The following FBXL13 variants were observed in gnomAD, a reference collection of about 807,000 sequenced individuals.
The protein encoded by FBXL13 is F-box and leucine-rich repeat protein 13.
A neutral mutation model predicts 83.6 loss-of-function variants in FBXL13; 67 were observed. The ratio of observed to expected loss-of-function variants is 0.80; its 90% CI spans 0.66 to 0.98. The LOEUF is 0.98. Among genes scored for constraint, FBXL13 ranks in the 50% least tolerant of loss-of-function variants. The pLI is 0.00. For synonymous variants in FBXL13, 272 were observed against 299.5 expected (o/e 0.91, Z 0.95); for missense variants, 822 against 866.5 (o/e 0.95, Z 0.64).
At chr7:102,885,369 T>TA (rs1295958171) in intron 11 of FBXL13, among the ~76,000 whole-genome samples, 3 of 152,214 alleles carry the variant, frequency 2.0e-5, no homozygotes, top group African/African-American at 7.2e-5. Flanking sequence ...TAATGAATAA[T>TA]GATATGAGTA....
intron 4 of FBXL13, 52 bp from the exon 6 acceptor site, chr7:103,027,610 C>CA (rs1375005623): frequency 2.6e-6 from 3 of 1,137,938 alleles, no homozygotes; most frequent in Non-Finnish European, 1.3e-6. Context: ...TAGCTGTTTC[C>CA]AAAAAACACA....
At chr7:102,909,979 C>T (rs1255688230) in intron 11 of FBXL13, among the ~76,000 whole-genome samples, 4 of 152,140 alleles carry the variant, frequency 2.6e-5, no homozygotes, top group Non-Finnish European at 5.9e-5. Flanking sequence ...GGTTACAGTC[C>T]TTATGGCCTA....
At position 102,922,361 on chromosome 7, in the gene FBXL13, C is replaced by T. The variant is rs184855518; in HGVS notation, c.878+3913G>A. On this transcript the variant is annotated intron_variant, in intron 10 of 19. Transcript: ENST00000313221. ...CATGACCATATTTTTTTTATTACTT[C>T]TAAAAGGAAAGAAATCAAATCATGC... Among the ~76,000 whole-genome samples, 568 of 151,782 alleles carry T rather than the reference C, an allele frequency of 3.7e-3. 5 individuals carry two copies. Among genetic ancestry groups the T allele is most frequent in the African/African-American group, 0.014 (561 of 41,442 alleles).
chr7:102,887,546 T>C (rs1265962347), intron 11 of FBXL13, among the ~76,000 whole-genome samples: 3 of 152,084 alleles, frequency 2.0e-5, no homozygotes, highest in Non-Finnish European at 4.4e-5. Flanking sequence ...AAATCTGAAA[T>C]TGGTATACCA....
intron 2 of FBXL13, among the ~76,000 whole-genome samples, chr7:103,048,608 A>G (rs1796514985): frequency 6.6e-6 from 1 of 152,184 alleles, no homozygotes; most frequent in African/African-American, 2.4e-5. Flanking sequence ...TGAGATTTTC[A>G]TAAACCTTTT....
Position 103,022,369 on chromosome 7 carries a change from T to C in FBXL13, c.495+2694A>G, listed in dbSNP as rs1793295358. Among the ~76,000 whole-genome samples the C allele has an allele frequency of 2.0e-5, 3 of 151,882 alleles. No individual in the cohort carries two copies. In the South Asian group the frequency reaches 6.2e-4, roughly 32 times the overall value. ...GGGTGAGGGATAGCATTAGGAGATA[T>C]ACCTAATGTAAATGACGAGTTAATG... On this transcript the variant is annotated intron_variant, in intron 6 of 19. Coordinates refer to ENST00000313221, the Ensembl canonical transcript of FBXL13.
intron 6 of FBXL13, among the ~76,000 whole-genome samples, chr7:103,019,210 C>T (rs1229634393): frequency 6.6e-6 from 1 of 152,198 alleles, no homozygotes; most frequent in African/African-American, 2.4e-5. Flanking sequence ...GAATAACCTG[C>T]TTCTGAATGA....
chr7:102,822,351 G>A lies in FBXL13; in HGVS notation c.1855-148C>T, dbSNP rs567320669. On this transcript the variant is annotated intron_variant, in intron 18 of 19. Coordinates refer to ENST00000313221, the Ensembl canonical transcript of FBXL13. ...TATTTCTCACAGTTCTAGAGGCTGG[G>A]AAGTCCAAGACTGAGATAAAGATAG... 9.9e-6 allele frequency: 8 copies of A among 806,684 alleles called. No individual in the cohort carries two copies. In the African/African-American group the frequency reaches 1.0e-4, roughly 10 times the overall value. The allele number at this position is 806,684 out of a possible 1,614,324, so 50.0% of individuals were successfully genotyped here.
chr7:102,955,829 C>T (rs1047265595), intron 8 of FBXL13, among the ~76,000 whole-genome samples: 1 of 151,960 alleles, frequency 6.6e-6, no homozygotes, highest in Non-Finnish European at 1.5e-5. Context: ...CAAGACTAAA[C>T]CAGGAAGAAG....
chr7:102,941,217 A>C (rs1446319664), intron 8 of FBXL13, among the ~76,000 whole-genome samples: 1 of 152,194 alleles, frequency 6.6e-6, no homozygotes, highest in Non-Finnish European at 1.5e-5. Flanking sequence ...ATAAATAAGG[A>C]TACTACAGAC....
At chr7:102,916,720 C>T (rs774455169) in intron 10 of FBXL13, among the ~76,000 whole-genome samples, 1 of 151,414 alleles carries the variant, frequency 6.6e-6, no homozygotes, top group Non-Finnish European at 1.5e-5. Context: ...CTTGGTAATT[C>T]TAATTCTGCT....
At chr7:102,892,024 C>T (rs1402072184) in intron 11 of FBXL13, among the ~76,000 whole-genome samples, 2 of 152,240 alleles carry the variant, frequency 1.3e-5, no homozygotes, top group African/African-American at 4.8e-5. Flanking sequence ...ACCACATGCT[C>T]ACCCAGGTCC....
At chr7:103,029,638 A>G (rs781034205) in intron 2 of FBXL13, among the ~76,000 whole-genome samples, 8 of 152,118 alleles carry the variant, frequency 5.3e-5, no homozygotes, top group Non-Finnish European at 8.8e-5. Flanking sequence ...TAACAGCTTA[A>G]TATATTTTCC....
chr7:102,834,086 A>AAAGAAAG (rs1554404905), intron 17 of FBXL13, among the ~76,000 whole-genome samples: 10 of 93,682 alleles, frequency 1.1e-4, no homozygotes, highest in East Asian at 3.9e-4. Context: ...GGAAGGAAAG[A>AAAGAAAG]AAAGAAAGAA....
chr7:102,826,791 T>G (rs1251826369), intron 18 of FBXL13, among the ~76,000 whole-genome samples: 1 of 125,778 alleles, frequency 8.0e-6, no homozygotes, highest in South Asian at 2.4e-4. Context: ...ATCTCTAATA[T>G]ATTAATATAT....
At chr7:103,065,418 C>T (rs545335076) in intron 1 of FBXL13, among the ~76,000 whole-genome samples, 2 of 152,148 alleles carry the variant, frequency 1.3e-5, no homozygotes, top group Non-Finnish European at 2.9e-5. Context: ...AATACCCACA[C>T]CCCGGGTGTG....
chr7:102,975,278 C>A (rs1057312312), intron 6 of FBXL13, among the ~76,000 whole-genome samples: 1 of 152,224 alleles, frequency 6.6e-6, no homozygotes, highest in African/African-American at 2.4e-5. Flanking sequence ...GAAGACCCTA[C>A]CTCTTACATT....
chr7:102,874,153 A>G (rs1009065087), intron 16 of FBXL13, among the ~76,000 whole-genome samples: 1 of 152,216 alleles, frequency 6.6e-6, no homozygotes, highest in Non-Finnish European at 1.5e-5. Context: ...AAATGGCACA[A>G]CTGGTCACAT....
chr7:103,000,930 C>T (rs1038384195), intron 6 of FBXL13, among the ~76,000 whole-genome samples: 13 of 151,962 alleles, frequency 8.6e-5, no homozygotes, highest in South Asian at 2.1e-4. Context: ...TTTCCAATTA[C>T]GTGAAATATT....
Sources: allele counts gnomAD v4.1 joint callset (sites outside exome capture counted in the v4.1 genomes callset), GRCh38; gene constraint gnomAD v4.1.1; transcripts MANE v1.5; gene names NCBI Gene and HGNC (gene_info 2026-07-23, HGNC 2026-07-21).